Variants in CCDC102B observed in about 807,000 individuals in gnomAD.
CCDC102B encodes the protein coiled-coil domain containing 102B, also known as coiled-coil domain-containing protein 102B.
In CCDC102B, 75 loss-of-function variants were observed where a neutral mutation model predicts 57.4. The ratio of observed to expected loss-of-function variants is 1.31; its 90% CI spans 1.08 to 1.58. The LOEUF is 1.58. Among genes scored for constraint, CCDC102B ranks in the 40% most tolerant of loss-of-function variants. The probability of loss-of-function intolerance (pLI) is 0.00; values close to 1 mark genes in which losing one functional copy is unlikely to be tolerated. For missense variants in CCDC102B, 636 were observed against 582.6 expected (o/e 1.09, Z -0.94); for synonymous variants, 206 against 201.9 (o/e 1.02, Z -0.17).
intron 2 of CCDC102B, among the ~76,000 whole-genome samples, chr18:68,772,771 A>G (rs1456622092): frequency 6.6e-6 from 1 of 152,160 alleles, no homozygotes; most frequent in Admixed American, 6.5e-5. Context: ...ACTTTTCTCC[A>G]TCACTCTAAA....
rs1444698028 is a variant in CCDC102B at position 68,897,099 on chromosome 18, TA to T, written c.1054-116del. 6 of 710,184 alleles carry T rather than the reference TA, an allele frequency of 8.4e-6. No homozygotes were observed. The African/African-American group carries it at 1.1e-4, about 13-fold the overall frequency. 44.0% of individuals were successfully genotyped at this position (710,184 alleles called of 1,614,324 possible). A position where few individuals can be genotyped will look rare whatever the true frequency, so the allele number is the denominator to read the frequency against. On this transcript the variant is annotated intron_variant, in intron 5 of 7. Coordinates refer to ENST00000360242, the MANE Select transcript of CCDC102B (RefSeq NM_024781.3). The stretch of plus-strand genomic sequence containing the variant: ...TTTCAAACAAATAGAATTTTCTTTT[TA>T]AAATTGTATCAGTGGACATATCCAT...
intron 4 of CCDC102B, among the ~76,000 whole-genome samples, chr18:68,862,680 A>C (rs543380129): frequency 2.0e-5 from 3 of 152,262 alleles, no homozygotes; most frequent in Admixed American, 1.3e-4. Context: ...CAGGCAAAAA[A>C]GCTTTAGACT....
At chr18:69,013,739 A>T (rs1021454156) in intron 7 of CCDC102B, among the ~76,000 whole-genome samples, 1 of 152,248 alleles carries the variant, frequency 6.6e-6, no homozygotes, top group African/African-American at 2.4e-5. Flanking sequence ...GCTTAAAAAA[A>T]GTGAACTCAG....
chr18:68,828,866 T>C (rs188972496), intron 1 of CCDC102B, among the ~76,000 whole-genome samples: 2 of 151,964 alleles, frequency 1.3e-5, no homozygotes, highest in Admixed American at 6.6e-5. Flanking sequence ...TTAAATACTG[T>C]TATAATTTTA....
chr18:69,055,808 T>G (rs572784488), downstream of CCDC102B, among the ~76,000 whole-genome samples: 31 of 152,052 alleles, frequency 2.0e-4, no homozygotes, highest in African/African-American at 7.0e-4. Flanking sequence ...TAAAAACACA[T>G]AAAGGGGAAA....
downstream of CCDC102B, among the ~76,000 whole-genome samples, chr18:69,057,832 A>G (rs890253892): frequency 3.9e-5 from 6 of 151,996 alleles, no homozygotes; most frequent in Non-Finnish European, 7.4e-5. Flanking sequence ...AATTTAATGG[A>G]AAGTTATTTT....
chr18:68,823,129 G>A (rs1312074495), intron 1 of CCDC102B, among the ~76,000 whole-genome samples: 1 of 152,168 alleles, frequency 6.6e-6, no homozygotes, highest in Non-Finnish European at 1.5e-5. Context: ...TTCAGCCTCT[G>A]ATGAGTCATG....
chr18:69,018,104 T>C (rs2051719246), intron 7 of CCDC102B, among the ~76,000 whole-genome samples: 1 of 152,208 alleles, frequency 6.6e-6, no homozygotes, highest in African/African-American at 2.4e-5. Context: ...AATTTATCCA[T>C]TTATCCAACA....
At chr18:69,040,592 C>T (rs1032742489) in intron 7 of CCDC102B, among the ~76,000 whole-genome samples, 7 of 151,790 alleles carry the variant, frequency 4.6e-5, no homozygotes, top group Non-Finnish European at 8.8e-5. Flanking sequence ...ATTCTTGAAT[C>T]GGTTGATTAC....
chr18:68,973,687 C>T (rs1347354463), intron 6 of CCDC102B, among the ~76,000 whole-genome samples: 3 of 151,932 alleles, frequency 2.0e-5, no homozygotes, highest in Non-Finnish European at 4.4e-5. Context: ...AATATCATTA[C>T]GGATTTATTT....
chr18:68,989,448 A>G (rs1352707545), intron 6 of CCDC102B, among the ~76,000 whole-genome samples: 5 of 152,226 alleles, frequency 3.3e-5, no homozygotes, highest in Non-Finnish European at 5.9e-5. Flanking sequence ...TATCTTTTTC[A>G]TATTGCTACC....
chr18:68,924,923 C>G (rs1453519996), intron 6 of CCDC102B, among the ~76,000 whole-genome samples: 1 of 152,014 alleles, frequency 6.6e-6, no homozygotes, highest in African/African-American at 2.4e-5. Context: ...AGTGCCCACC[C>G]CCAGATTTGC....
chr18:69,042,714 C>T (rs1425815926), intron 7 of CCDC102B, among the ~76,000 whole-genome samples: 1 of 152,044 alleles, frequency 6.6e-6, no homozygotes, highest in Non-Finnish European at 1.5e-5. Context: ...GAATTATTTT[C>T]AGGGTTTGAG....
chr18:68,929,306 A>T (rs1361003337), intron 6 of CCDC102B, among the ~76,000 whole-genome samples: 5 of 151,888 alleles, frequency 3.3e-5, no homozygotes, highest in Admixed American at 3.3e-4. Context: ...CAAGACTAAG[A>T]ACCTCAATTT....
intron 6 of CCDC102B, among the ~76,000 whole-genome samples, chr18:68,909,537 T>A (rs1475032473): frequency 6.6e-6 from 1 of 152,184 alleles, no homozygotes; most frequent in Non-Finnish European, 1.5e-5. Context: ...TGTGGAAGCA[T>A]CTCAAACGAT....
At position 68,846,412 on chromosome 18, in the gene CCDC102B, T is replaced by C. The variant is rs763916125; in HGVS notation, c.927T>C (p.Asn309=). The change falls in exon 4 of 8, where the codon AAT becomes AAC. Residue 309 remains asparagine (N), a synonymous_variant. Transcript: ENST00000360242. The part of the protein sequence containing the change: ...YEELKESKPK[N]VKEFDILLGQ... ...AACTGAAAGAATCAAAGCCAAAAAA[T>C]GTGAAAGAGGTATGGGGGAATATGA... 65 of 1,573,806 alleles carry C rather than the reference T, an allele frequency of 4.1e-5. No individual in the cohort carries two copies. The highest frequency in any genetic ancestry group is 5.3e-5 in the Non-Finnish European group (62 of 1,159,970).
rs528623476 is a variant in CCDC102B at position 68,942,015 on chromosome 18, G to A, written c.1263+44587G>A. On this transcript the variant is annotated intron_variant, in intron 6 of 7. Transcript: ENST00000360242. ...AGAAGATTATTGTGCTCGTCAACTC[G>A]TACTGAAAAAGCTCATTTAGTATTT... Among the ~76,000 whole-genome samples, 210 of 151,994 alleles carry A rather than the reference G, an allele frequency of 1.4e-3. 1 individual carries two copies. The highest frequency in any genetic ancestry group is 4.6e-3 in the African/African-American group (189 of 41,494).
intron 5 of CCDC102B, among the ~76,000 whole-genome samples, chr18:68,888,649 T>C (rs2039970556): frequency 6.6e-6 from 1 of 152,184 alleles, no homozygotes. Flanking sequence ...TGAGAACCAC[T>C]GACTGACAGA....
At chr18:68,831,028 G>C (rs1191304804) in intron 1 of CCDC102B, among the ~76,000 whole-genome samples, 1 of 151,664 alleles carries the variant, frequency 6.6e-6, no homozygotes, top group Admixed American at 6.6e-5. Flanking sequence ...AAGTCACACT[G>C]GTCACTTTTT....
Sources: allele counts gnomAD v4.1 joint callset (sites outside exome capture counted in the v4.1 genomes callset), GRCh38; gene constraint gnomAD v4.1.1; transcripts MANE v1.5; gene names NCBI Gene and HGNC (gene_info 2026-07-23, HGNC 2026-07-21).